HECW2: variants seen among roughly 807,000 people sequenced by gnomAD.
HECW2 encodes HECT, C2 and WW domain containing E3 ubiquitin protein ligase 2, also known as E3 ubiquitin-protein ligase HECW2.
In HECW2, 61 loss-of-function variants were observed where a neutral mutation model predicts 175.2. That is an observed-to-expected ratio of 0.35 (90% CI 0.28 to 0.43). The LOEUF is 0.43. Ranked by LOEUF, HECW2 falls within the 20% of genes least tolerant of loss-of-function variation. HECW2 has a pLI of 1.00. For missense variants in HECW2, 1,524 were observed against 2,000.5 expected, an observed-to-expected ratio of 0.76 and a Z score of 4.54; for synonymous variants, 671 against 731.0, an observed-to-expected ratio of 0.92 and a Z score of 1.32.
At position 196,242,492 on chromosome 2, in the gene HECW2, G is replaced by A. The variant is rs181928605; in HGVS notation, c.3530-288C>T. ...TCCCCTTTTCAGTCGAAACTAATAT[G>A]AGTCAAACAGAGTTACTCATGTCTA... On this transcript the variant is annotated intron_variant, in intron 19 of 28. Coordinates refer to ENST00000644978, the MANE Select transcript of HECW2 (RefSeq NM_001348768.2). 8.2e-6 allele frequency: 3 copies of A among 366,846 alleles called. No homozygotes were observed. In the East Asian group the frequency reaches 1.7e-4, roughly 20 times the overall value. 22.7% of individuals were successfully genotyped at this position (366,846 alleles called of 1,614,324 possible).
At chr2:196,236,726 A>T (rs1294944830) in intron 21 of HECW2, among the ~76,000 whole-genome samples, 1 of 152,074 alleles carries the variant, frequency 6.6e-6, no homozygotes, top group African/African-American at 2.4e-5. Context: ...CATTTTTCTC[A>T]TGGTTGGACT....
At chr2:196,343,218 T>C (rs150738479) in intron 3 of HECW2, among the ~76,000 whole-genome samples, 31 of 152,312 alleles carry the variant, frequency 2.0e-4, no homozygotes, top group African/African-American at 7.0e-4. Context: ...TCAGAGTATA[T>C]GCATATAACC....
intron 1 of HECW2, among the ~76,000 whole-genome samples, chr2:196,528,667 C>A (rs138925121): frequency 3.9e-5 from 6 of 152,220 alleles, no homozygotes; most frequent in African/African-American, 1.4e-4. Flanking sequence ...CAGCACATCA[C>A]TGTTTCATTG....
intron 13 of HECW2, among the ~76,000 whole-genome samples, chr2:196,294,106 A>T (rs1483928652): frequency 6.6e-6 from 1 of 152,144 alleles, no homozygotes; most frequent in Non-Finnish European, 1.5e-5. Context: ...ACTCCACTAT[A>T]CCACCACACA....
intron 1 of HECW2, among the ~76,000 whole-genome samples, chr2:196,440,653 T>G (rs758602519): frequency 1.3e-5 from 2 of 152,222 alleles, no homozygotes; most frequent in Non-Finnish European, 2.9e-5. Flanking sequence ...TGCTTCTTGA[T>G]TTCACATTTC....
Position 196,362,031 on chromosome 2 carries a change from CTCT to C in HECW2, c.293-18270_293-18268del, listed in dbSNP as rs1164824004. 6.1e-6 allele frequency: 6 copies of C among 985,368 alleles called. No individual in the cohort carries two copies. In the East Asian group the frequency reaches 6.8e-4, roughly 112 times the overall value. The allele number at this position is 985,368 out of a possible 1,614,324, so 61.0% of individuals were successfully genotyped here. A position where few individuals can be genotyped will look rare whatever the true frequency, so the allele number is the denominator to read the frequency against. ...GTCCACTTCACGGATGCTCCTGCTT[CTCT>C]TCCTCTTCCCCCAAAGTTCTAGAAA... On this transcript the variant is annotated intron_variant, in intron 2 of 28. Transcript: ENST00000644978.
At chr2:196,546,589 A>G (rs767355071) in intron 1 of HECW2, among the ~76,000 whole-genome samples, 4 of 152,108 alleles carry the variant, frequency 2.6e-5, no homozygotes, top group Non-Finnish European at 5.9e-5. Flanking sequence ...GTATCCTGCA[A>G]CCCTGGCTAC....
Position 196,273,049 on chromosome 2 carries a change from A to ATTTTTTTTTTTTTTTTTTTT in HECW2, c.3238+952_3238+971dup, listed in dbSNP as rs778348590. On this transcript the variant is annotated intron_variant, in intron 16 of 28. Transcript: ENST00000644978. ...CAAAGATAAATGGAGAGCTGGTCTAATTTTTTTTTTTTTTTTTTTTTTTTT... is the reference window on the plus strand; with the variant it reads ...CAAAGATAAATGGAGAGCTGGTCTAATTTTTTTTTTTTTTTTTTTTTTTTTTTTTTTTTTTTTTTTTTTTT... Among the ~76,000 whole-genome samples, 29 of 113,116 alleles carry ATTTTTTTTTTTTTTTTTTTT rather than the reference A, an allele frequency of 2.6e-4. 1 individual carries two copies. Among genetic ancestry groups the ATTTTTTTTTTTTTTTTTTTT allele is most frequent in the African/African-American group, 8.1e-4 (21 of 26,012 alleles). The allele number at this position is 113,116 out of a possible 152,430, so 74.2% of individuals were successfully genotyped here.
At chr2:196,511,244 G>A (rs555069812) in intron 1 of HECW2, among the ~76,000 whole-genome samples, 1 of 152,188 alleles carries the variant, frequency 6.6e-6, no homozygotes, top group African/African-American at 2.4e-5. Context: ...AATATTTTGG[G>A]AATTATAAAA....
chr2:196,279,946 G>T (rs1180046915), intron 14 of HECW2, among the ~76,000 whole-genome samples: 1 of 152,166 alleles, frequency 6.6e-6, no homozygotes, highest in African/African-American at 2.4e-5. Flanking sequence ...CCTCAGCATT[G>T]CAGTAAGATG....
intron 2 of HECW2, among the ~76,000 whole-genome samples, chr2:196,377,340 A>C (rs1444332514): frequency 6.6e-6 from 1 of 152,228 alleles, no homozygotes; most frequent in African/African-American, 2.4e-5. Flanking sequence ...GCAGTGTATT[A>C]GTCTGTTCTC....
At chr2:196,447,840 G>A (rs939252717) in intron 1 of HECW2, among the ~76,000 whole-genome samples, 1 of 152,092 alleles carries the variant, frequency 6.6e-6, no homozygotes, top group African/African-American at 2.4e-5. Flanking sequence ...GGCAGATCAC[G>A]AGGTCAGGAG....
chr2:196,417,992 T>TTA (rs1695299927), intron 2 of HECW2, among the ~76,000 whole-genome samples: 1 of 152,236 alleles, frequency 6.6e-6, no homozygotes, highest in African/African-American at 2.4e-5. Context: ...GTTAATTTAA[T>TTA]GTAAATTCCC....
intron 17 of HECW2, chr2:196,263,290 T>C (rs575955038): frequency 1.6e-4 from 25 of 152,176 alleles, no homozygotes; most frequent in African/African-American, 6.0e-4. Flanking sequence ...CCCCAGAAGA[T>C]CAACTCTACT....
intron 2 of HECW2, among the ~76,000 whole-genome samples, chr2:196,355,598 CAAAGACAGA>C (rs1693335817): frequency 6.6e-6 from 1 of 152,060 alleles, no homozygotes; most frequent in South Asian, 2.1e-4. Flanking sequence ...TTTTAAGCCT[CAAAGACAGA>C]ATGAAAACAG....
intron 4 of HECW2, chr2:196,331,205 T>C (rs1692345506): frequency 3.0e-6 from 3 of 985,400 alleles, no homozygotes; most frequent in Non-Finnish European, 3.6e-6. Flanking sequence ...CTTCCATCTA[T>C]AGATCCAATT....
intron 17 of HECW2, among the ~76,000 whole-genome samples, chr2:196,265,586 G>A (rs1208956210): frequency 3.3e-5 from 5 of 152,204 alleles, no homozygotes; most frequent in African/African-American, 1.2e-4. Context: ...TTAATTTCAG[G>A]AATAGTGGTT....
intron 1 of HECW2, among the ~76,000 whole-genome samples, chr2:196,531,283 T>C (rs897097502): frequency 1.3e-5 from 2 of 152,214 alleles, no homozygotes; most frequent in Non-Finnish European, 2.9e-5. Context: ...ACTTCTGTCT[T>C]GTTCGATCTA....
At position 196,426,274 on chromosome 2, in the gene HECW2, C is replaced by A. The variant is rs182933791; in HGVS notation, c.292+6858G>T. Among the ~76,000 whole-genome samples, 484 of 152,268 alleles carry A rather than the reference C, an allele frequency of 3.2e-3. 2 individuals carry two copies. Among genetic ancestry groups the A allele is most frequent in the South Asian group, 7.5e-3 (36 of 4,820 alleles). ...ACTGGCTTTAATTTGCTATTCACTT[C>A]ATTATGGGGATCCAGAACCGAAACC... On this transcript the variant is annotated intron_variant, in intron 2 of 28. Coordinates refer to ENST00000644978, the MANE Select transcript of HECW2 (RefSeq NM_001348768.2).
Sources: gnomAD v4.1 joint callset for allele counts (sites outside exome capture counted in the v4.1 genomes callset) on GRCh38, gnomAD v4.1.1 for gene constraint, MANE v1.5 for transcripts, NCBI Gene and HGNC (gene_info 2026-07-23, HGNC 2026-07-21) for gene names.